The following MAPKAP1 variants were observed in gnomAD, a reference collection of about 807,000 sequenced individuals.
MAPKAP1 encodes the protein MAPK associated protein 1, also known as target of rapamycin complex 2 subunit MAPKAP1.
Under a neutral mutation model 65.7 loss-of-function variants are expected in MAPKAP1, and 20 were observed. That is an observed-to-expected ratio of 0.30 (90% confidence interval 0.21 to 0.44). MAPKAP1 has a LOEUF of 0.44. Ranked by LOEUF, MAPKAP1 falls within the 20% of genes least tolerant of loss-of-function variation. MAPKAP1 has a pLI of 1.00. For missense variants in MAPKAP1, 423 were observed against 648.0 expected (o/e 0.65, Z 3.77); for synonymous variants, 222 against 244.3 (o/e 0.91, Z 0.85).
At chr9:125,468,304 T>C (rs1477965492) in intron 9 of MAPKAP1, among the ~76,000 whole-genome samples, 195 bp from the exon 10 acceptor site, 3 of 152,140 alleles carry the variant, frequency 2.0e-5, no homozygotes, top group Admixed American at 6.5e-5. Flanking sequence ...AGTTGCATAG[T>C]CTGGTTTCCT....
rs1303496365 is a variant in MAPKAP1 at position 125,595,935 on chromosome 9, T to C, written c.499-10208A>G. Reference sequence around the variant, plus strand: ...AGTTGTGGAACCAAAGAGAGCTGTCTCAAGAGAAGATTCTCAAAGACCAGG... The same window carrying C: ...AGTTGTGGAACCAAAGAGAGCTGTCCCAAGAGAAGATTCTCAAAGACCAGG... On this transcript the variant is annotated intron_variant, in intron 4 of 11. Coordinates refer to ENST00000265960, the MANE Select transcript of MAPKAP1 (RefSeq NM_001006617.3). The surrounding 1 kb of genome is among the most constrained non-coding windows in gnomAD (Gnocchi z 4.0). 3 of 1,366,428 alleles carry C rather than the reference T, an allele frequency of 2.2e-6. No homozygotes were observed. The East Asian group carries it at 6.8e-5, about 31-fold the overall frequency. The allele number at this position is 1,366,428 out of a possible 1,614,324, so 84.6% of individuals were successfully genotyped here. A position where few individuals can be genotyped will look rare whatever the true frequency, so the allele number is the denominator to read the frequency against.
At chr9:125,605,683 G>T (rs1382177776) in intron 4 of MAPKAP1, among the ~76,000 whole-genome samples, 4 of 152,170 alleles carry the variant, frequency 2.6e-5, no homozygotes, top group South Asian at 4.2e-4. Flanking sequence ...CAACTTTGCA[G>T]GTGCTGCAGT....
intron 10 of MAPKAP1, among the ~76,000 whole-genome samples, chr9:125,453,610 G>A (rs1343646481): frequency 1.3e-5 from 2 of 152,134 alleles, no homozygotes; most frequent in East Asian, 3.9e-4. Flanking sequence ...GTTGCAATGT[G>A]GAATATAAAC....
chr9:125,568,200 G>A (rs1831119820), intron 5 of MAPKAP1, among the ~76,000 whole-genome samples: 1 of 152,114 alleles, frequency 6.6e-6, no homozygotes, highest in African/African-American at 2.4e-5. Context: ...GGGGTTAAAG[G>A]CCCCTCTCGG....
In MAPKAP1 at chr9:125,448,704, T is replaced by C. The variant is rs544125715; in HGVS notation, c.1346-4106A>G. On this transcript the variant is annotated intron_variant, in intron 10 of 11. Coordinates refer to ENST00000265960, the MANE Select transcript of MAPKAP1 (RefSeq NM_001006617.3). The stretch of plus-strand genomic sequence containing the variant: ...TGTAAAAAATAGCTGAGACACTAGT[T>C]GTAAAAAAATAGCTGAGATGCTGGG... Among the ~76,000 whole-genome samples, 16 of 152,246 alleles carry C rather than the reference T, an allele frequency of 1.1e-4. 1 individual carries two copies. Among genetic ancestry groups the C allele is most frequent in the African/African-American group, 3.4e-4 (14 of 41,548 alleles).
intron 10 of MAPKAP1, among the ~76,000 whole-genome samples, chr9:125,462,442 A>G (rs867973980): frequency 6.6e-6 from 1 of 152,240 alleles, no homozygotes; most frequent in South Asian, 2.1e-4. Context: ...AATCCCCTGC[A>G]GCTGGAATGC....
intron 7 of MAPKAP1, among the ~76,000 whole-genome samples, chr9:125,516,203 CA>C (rs1829457075): frequency 6.6e-6 from 1 of 152,146 alleles, no homozygotes; most frequent in African/African-American, 2.4e-5. Context: ...TTCTTTGCTG[CA>C]AGACTCAATT....
rs757997896 is a variant in MAPKAP1, at chr9:125,447,013, A to C, written c.1346-2415T>G. ...GACTATGGTGCTTGTGAAGCATGTC[A>C]ATTGTGGGCTGACAGAGGGGAGGCC... On this transcript the variant is annotated intron_variant, in intron 10 of 11. Coordinates refer to ENST00000265960, the MANE Select transcript of MAPKAP1 (RefSeq NM_001006617.3). This position sits in a 1 kb window ranked among gnomAD's most constrained non-coding sequence, Gnocchi z 4.5. 1.3e-5 allele frequency among the ~76,000 whole-genome samples: 2 copies of C among 152,144 alleles called. No homozygotes were observed. Among genetic ancestry groups the C allele is most frequent in the Non-Finnish European group, 2.9e-5 (2 of 68,006 alleles).
At chr9:125,502,645 G>A (rs1366078322) in intron 8 of MAPKAP1, among the ~76,000 whole-genome samples, 2 of 152,108 alleles carry the variant, frequency 1.3e-5, no homozygotes, top group African/African-American at 2.4e-5. Flanking sequence ...GTGATCAGAG[G>A]ATGTATCACA....
At chr9:125,679,966 G>A (rs1259105778) in intron 1 of MAPKAP1, among the ~76,000 whole-genome samples, 1 of 152,028 alleles carries the variant, frequency 6.6e-6, no homozygotes, top group African/African-American at 2.4e-5. Flanking sequence ...ATGCTGGCAT[G>A]TTAATTGTGT....
intron 5 of MAPKAP1, chr9:125,565,766 A>T: frequency 2.5e-6 from 1 of 397,674 alleles, no homozygotes; most frequent in Non-Finnish European, 5.0e-6. Context: ...AAAAAAAAAA[A>T]GGTTATTATC....
intron 4 of MAPKAP1, among the ~76,000 whole-genome samples, chr9:125,607,356 C>T (rs1302552349): frequency 6.6e-6 from 1 of 152,250 alleles, no homozygotes; most frequent in Non-Finnish European, 1.5e-5. Context: ...ACTGGCTCTT[C>T]ATTCCAACAC....
intron 4 of MAPKAP1, among the ~76,000 whole-genome samples, chr9:125,635,180 T>C (rs1833388201): frequency 6.6e-6 from 1 of 152,228 alleles, no homozygotes; most frequent in Non-Finnish European, 1.5e-5. Flanking sequence ...AGTCCTCAAG[T>C]CCTGCTAATC....
chr9:125,463,505 T>G (rs1455279801), intron 10 of MAPKAP1, among the ~76,000 whole-genome samples: 7 of 152,252 alleles, frequency 4.6e-5, no homozygotes, highest in Non-Finnish European at 7.3e-5. Flanking sequence ...AGGTCACCAA[T>G]AAGCCCAGCT....
chr9:125,477,087 A>C lies in MAPKAP1; in HGVS notation c.1207+7356T>G, dbSNP rs78899336. On this transcript the variant is annotated intron_variant, in intron 9 of 11. Transcript: ENST00000265960. The stretch of plus-strand genomic sequence containing the variant: ...ATACATACTGGACAGTTTTATGAAA[A>C]GATAATGGAAGTAACCATGGAACCT... Among the ~76,000 whole-genome samples the C allele has an allele frequency of 3.0e-4, 46 of 152,376 alleles. No individual in the cohort carries two copies. The East Asian group carries it at 7.9e-3, about 26-fold the overall frequency.
At chr9:125,577,152 G>A (rs1831436680) in intron 5 of MAPKAP1, among the ~76,000 whole-genome samples, 1 of 151,562 alleles carries the variant, frequency 6.6e-6, no homozygotes, top group Non-Finnish European at 1.5e-5. Flanking sequence ...TGAGATGTGG[G>A]GAGCGCCTCT....
chr9:125,635,294 C>A (rs1365808125), intron 4 of MAPKAP1, among the ~76,000 whole-genome samples: 1 of 152,228 alleles, frequency 6.6e-6, no homozygotes, highest in Non-Finnish European at 1.5e-5. Flanking sequence ...AGCCCCTTTT[C>A]AGAAGATTAG....
chr9:125,559,504 T>G (rs2131503596), intron 6 of MAPKAP1, 129 bp downstream of exon 6: 1 of 769,336 alleles, frequency 1.3e-6, no homozygotes, highest in Non-Finnish European at 2.1e-6. Flanking sequence ...TCTCTGGGAG[T>G]CATCGTTATT....
intron 10 of MAPKAP1, among the ~76,000 whole-genome samples, chr9:125,455,562 T>G (rs1250287600): frequency 6.6e-6 from 1 of 152,212 alleles, no homozygotes. Flanking sequence ...AAATACATTT[T>G]TGGGTAATAC....
Sources: gnomAD v4.1 joint callset for allele counts (sites outside exome capture counted in the v4.1 genomes callset) on GRCh38, gnomAD v4.1.1 for gene constraint, Gnocchi (gnomAD v3.1) non-coding constraint, MANE v1.5 for transcripts, NCBI Gene and HGNC (gene_info 2026-07-23, HGNC 2026-07-21) for gene names.